Variants in TRPM1 observed in about 807,000 individuals in gnomAD.
TRPM1 encodes transient receptor potential cation channel subfamily M member 1, also known as TRPM1-203 APA Isoform, Intron 10.
TRPM1 carries 113 observed loss-of-function variants against 149.4 expected under a neutral mutation model. The ratio of observed to expected loss-of-function variants is 0.76; its 90% CI spans 0.65 to 0.88. TRPM1 has a LOEUF of 0.88. Among genes scored for constraint, TRPM1 ranks in the 40% least tolerant of loss-of-function variants. TRPM1 has a pLI of 0.00. For missense variants in TRPM1, 1,976 were observed against 2,038.7 expected (o/e 0.97, Z 0.59); for synonymous variants, 741 against 759.5 (o/e 0.98, Z 0.40).
chr15:31,012,571 C>G (rs1386125344), intron 27 of TRPM1, among the ~76,000 whole-genome samples: 1 of 152,140 alleles, frequency 6.6e-6, no homozygotes, highest in Non-Finnish European at 1.5e-5. Flanking sequence ...AACAGTTTGA[C>G]TATAACGTTA....
At chr15:31,024,264 TG>T (rs1418737930) in intron 27 of TRPM1, among the ~76,000 whole-genome samples, 1 of 152,194 alleles carries the variant, frequency 6.6e-6, no homozygotes, top group East Asian at 1.9e-4. Flanking sequence ...CAGAAATGCT[TG>T]AGTACTTCAA....
At chr15:31,159,378 A>G (rs1456642755) in intron 1 of TRPM1, among the ~76,000 whole-genome samples, 1 of 152,206 alleles carries the variant, frequency 6.6e-6, no homozygotes, top group Non-Finnish European at 1.5e-5. Context: ...CAGCAAGAAC[A>G]GTGTGGGCCA....
intron 1 of TRPM1, among the ~76,000 whole-genome samples, chr15:31,124,064 G>A (rs146859296): frequency 6.6e-5 from 10 of 152,276 alleles, no homozygotes; most frequent in South Asian, 2.1e-4. Context: ...TGGGCATGTC[G>A]TCTGAGGTTA....
intron 1 of TRPM1, among the ~76,000 whole-genome samples, chr15:31,113,322 CCT>C (rs1286702498): frequency 2.0e-5 from 3 of 152,276 alleles, no homozygotes; most frequent in African/African-American, 4.8e-5. Context: ...CCTCTGAGCC[CCT>C]GACTGGGAAA....
intron 1 of TRPM1, among the ~76,000 whole-genome samples, chr15:31,125,497 G>A (rs1243327466): frequency 6.6e-6 from 1 of 151,612 alleles, no homozygotes; most frequent in Non-Finnish European, 1.5e-5. Flanking sequence ...TTGGGAGGCC[G>A]AGGCGGGCGG....
In TRPM1 at chr15:31,067,188, C is replaced by G. The variant is rs760391688; in HGVS notation, c.494-1G>C. On this transcript the variant is annotated splice_acceptor_variant, in intron 5 of 27. Transcript: ENST00000256552. LOFTEE classifies it high-confidence loss of function. ...GCATCCCCTACGTGGCTGATAACAC[C>G]TGTGAGCAGCCATTGGTCATATTTT... The G allele has an allele frequency of 1.1e-5, 17 of 1,614,012 alleles. No homozygotes were observed. Among genetic ancestry groups the G allele is most frequent in the Admixed American group, 1.7e-5 (1 of 59,994 alleles).
intron 1 of TRPM1, among the ~76,000 whole-genome samples, chr15:31,093,193 A>C (rs1007582389): frequency 7.0e-6 from 1 of 143,392 alleles, no homozygotes; most frequent in African/African-American, 2.6e-5. Context: ...CCTGGGAGGC[A>C]GAGGTTGCAC....
chr15:31,114,014 G>A (rs1234482663), intron 1 of TRPM1, among the ~76,000 whole-genome samples: 1 of 151,558 alleles, frequency 6.6e-6, no homozygotes, highest in African/African-American at 2.4e-5. Flanking sequence ...ATTTTACAGA[G>A]TGCTGATTGG....
chr15:31,114,305 T>C (rs916871434), intron 1 of TRPM1, among the ~76,000 whole-genome samples: 6 of 152,212 alleles, frequency 3.9e-5, no homozygotes, highest in Admixed American at 1.3e-4. Context: ...TTGCTAAGTA[T>C]AATGCCCTCC....
chr15:31,073,028 T>A (rs2034601168), intron 3 of TRPM1, among the ~76,000 whole-genome samples: 3 of 152,230 alleles, frequency 2.0e-5, no homozygotes, highest in Admixed American at 2.0e-4. Context: ...TAAAGACAAT[T>A]TTTTTGTTGT....
chr15:31,041,765 C>G (rs553583180), intron 17 of TRPM1, among the ~76,000 whole-genome samples, 186 bp downstream of exon 17: 2 of 152,144 alleles, frequency 1.3e-5, no homozygotes, highest in Non-Finnish European at 2.9e-5. Context: ...ACAAAAACAA[C>G]GACAGTCCAA....
In TRPM1 at chr15:31,049,264, A is replaced by G; in HGVS notation, c.1572+111T>C. The G allele has an allele frequency of 3.3e-6, 5 of 1,516,722 alleles. No homozygotes were observed. In the Admixed American group the frequency reaches 8.4e-5, roughly 25 times the overall value. 94.0% of individuals were successfully genotyped at this position (1,516,722 alleles called of 1,614,324 possible). ...AGTAGCCGCCTGCCATTAAGTACGG[A>G]CCTCCCAGCTGAAGGAGGTCAGATG... On this transcript the variant is annotated intron_variant, in intron 13 of 27. Coordinates refer to ENST00000256552, the MANE Select transcript of TRPM1 (RefSeq NM_001252024.2).
rs148280515 is a variant in TRPM1 at position 31,009,308 on chromosome 15, C to T, written c.3630-6238G>A. Among the ~76,000 whole-genome samples the T allele has an allele frequency of 4.8e-3, 735 of 152,066 alleles. 8 individuals carry two copies. Among genetic ancestry groups the T allele is most frequent in the Non-Finnish European group, 5.8e-3 (396 of 67,980 alleles). On this transcript the variant is annotated intron_variant, in intron 27 of 27. Transcript: ENST00000256552. ...CCCAGGTGTTTGAGTTCAGTCTGGG[C>T]AACACAGGAGACCTCGGCTCAAAAA... is the stretch of plus-strand genomic sequence containing the variant.
intron 1 of TRPM1, among the ~76,000 whole-genome samples, chr15:31,150,585 C>T (rs1255891189): frequency 1.3e-5 from 2 of 151,868 alleles, no homozygotes; most frequent in African/African-American, 2.4e-5. Flanking sequence ...TATAGGCATG[C>T]GCACCACGCC....
intron 1 of TRPM1, among the ~76,000 whole-genome samples, chr15:31,107,272 G>A (rs1015091420): frequency 2.6e-5 from 4 of 152,122 alleles, no homozygotes; most frequent in African/African-American, 4.8e-5. Context: ...GTTTCTCCTT[G>A]AGTCAGTTTC....
intron 1 of TRPM1, among the ~76,000 whole-genome samples, chr15:31,160,284 C>T (rs772632842): frequency 6.6e-6 from 1 of 152,178 alleles, no homozygotes; most frequent in Non-Finnish European, 1.5e-5. Context: ...AGATTCAAAT[C>T]AGCATGTGCT....
chr15:31,131,897 T>C (rs2036021141), intron 1 of TRPM1, among the ~76,000 whole-genome samples: 1 of 151,386 alleles, frequency 6.6e-6, no homozygotes, highest in South Asian at 2.1e-4. Context: ...TTTCCTCACA[T>C]ACTAAAATGA....
chr15:31,153,581 C>T lies in TRPM1; in HGVS notation c.54+7325G>A, dbSNP rs191036437. On this transcript the variant is annotated intron_variant, in intron 1 of 26. Coordinates refer to the TRPM1 transcript ENST00000542188. ...TCAGGCAATCCACCCACCTCAGCCT[C>T]CCAAAGTTCTGGGACTACAGGTGTG... Among the ~76,000 whole-genome samples the T allele has an allele frequency of 3.6e-3, 546 of 152,330 alleles. 2 individuals carry two copies. Among genetic ancestry groups the T allele is most frequent in the African/African-American group, 0.012 (505 of 41,576 alleles).
intron 1 of TRPM1, among the ~76,000 whole-genome samples, chr15:31,085,081 A>G (rs549131748): frequency 6.6e-6 from 1 of 152,064 alleles, no homozygotes; most frequent in Admixed American, 6.6e-5. Flanking sequence ...GTGGGAGGGG[A>G]TACAGACTTT....
Sources: gnomAD v4.1 joint callset for allele counts (sites outside exome capture counted in the v4.1 genomes callset) on GRCh38, gnomAD v4.1.1 for gene constraint, MANE v1.5 for transcripts, NCBI Gene and HGNC (gene_info 2026-07-23, HGNC 2026-07-21) for gene names.